Variants in DST observed in about 807,000 individuals in gnomAD.
The protein encoded by DST is dystonin, also known as bullous pemphigoid antigen.
Under a neutral mutation model 875.2 loss-of-function variants are expected in DST, and 253 were observed. The observed-to-expected ratio is 0.29, with a 90% CI of 0.26 to 0.32. DST has a LOEUF of 0.32. Among genes scored for constraint, DST ranks in the 10% least tolerant of loss-of-function variants. DST has a pLI of 1.00. For synonymous variants in DST, 3,124 were observed against 3,197.1 expected, an observed-to-expected ratio of 0.98 and a Z score of 0.77; for missense variants, 8,287 against 9,111.6, an observed-to-expected ratio of 0.91 and a Z score of 3.68.
rs774372986 is a variant in DST, at chr6:56,487,070, C to A, written c.21047+34G>T. The A allele has an allele frequency of 1.9e-6, 3 of 1,608,598 alleles. No individual in the cohort carries two copies. In the South Asian group the frequency reaches 3.3e-5, roughly 18 times the overall value. ...TTACTGTGTATTTGAAAGAGGTCTA[C>A]AGAGTAACCAAACTGTCTTAAAGAA... On this transcript the variant is annotated intron_variant, in intron 87 of 103. Transcript: ENST00000680361.
intron 2 of DST, among the ~76,000 whole-genome samples, chr6:56,949,105 T>C (rs1821099782): frequency 6.6e-6 from 1 of 152,238 alleles, no homozygotes; most frequent in Non-Finnish European, 1.5e-5. Context: ...AGTTCCATTT[T>C]GCCATCCAGA....
chr6:56,924,286 A>G (rs1176287128), intron 2 of DST, among the ~76,000 whole-genome samples: 1 of 152,188 alleles, frequency 6.6e-6, no homozygotes. Context: ...CTGAACGCAG[A>G]GTTGGAACGA....
intron 7 of DST, 136 bp downstream of exon 7, chr6:56,703,512 T>C (rs2099319565): frequency 6.1e-6 from 1 of 163,660 alleles, no homozygotes. Flanking sequence ...TACACACACA[T>C]CTACCTCAAT....
intron 3 of DST, 35 bp downstream of exon 3, chr6:56,900,386 T>C (rs762128761): frequency 7.6e-7 from 1 of 1,324,258 alleles, no homozygotes; most frequent in South Asian, 1.2e-5. Flanking sequence ...TGACAGTGAA[T>C]TTAATATTTT....
chr6:56,653,413 C>G (rs528247191), intron 10 of DST, among the ~76,000 whole-genome samples: 1 of 152,126 alleles, frequency 6.6e-6, no homozygotes, highest in Admixed American at 6.6e-5. Flanking sequence ...AAGCTGGGTG[C>G]GGTGGCTCAT....
At chr6:56,614,925 C>T in intron 36 of DST, 2 of 991,322 alleles carry the variant, frequency 2.0e-6, no homozygotes, top group Non-Finnish European at 1.2e-6. Flanking sequence ...TCCCCTCCTC[C>T]AACACATAAT....
At chr6:56,849,131 G>A (rs928022744) in intron 4 of DST, among the ~76,000 whole-genome samples, 5 of 144,154 alleles carry the variant, frequency 3.5e-5, no homozygotes, top group Non-Finnish European at 3.0e-5. Flanking sequence ...AAGAATTCAT[G>A]CAATTTTTTT....
chr6:56,472,231 G>A lies in DST; in HGVS notation c.21995-9C>T, dbSNP rs2152399131. The A allele has an allele frequency of 6.2e-7, 1 of 1,612,550 alleles. No individual in the cohort carries two copies. Among genetic ancestry groups the A allele is most frequent in the East Asian group, 2.2e-5 (1 of 44,868 alleles). ...TGCTGGAAAGCGTTTTCCTGTGAAGGTATAACTTCGGTTAGGATGGCAGTT... is the reference window on the plus strand; with the variant it reads ...TGCTGGAAAGCGTTTTCCTGTGAAGATATAACTTCGGTTAGGATGGCAGTT... On this transcript the variant is annotated splice_polypyrimidine_tract_variant and intron_variant, in intron 93 of 103. Transcript: ENST00000680361.
chr6:56,788,819 A>T (rs2099710241), intron 4 of DST, among the ~76,000 whole-genome samples: 1 of 152,236 alleles, frequency 6.6e-6, no homozygotes, highest in Non-Finnish European at 1.5e-5. Flanking sequence ...TGCTATTACT[A>T]CAAATAGTAC....
At chr6:56,589,810 T>C (rs566995297) in intron 49 of DST, among the ~76,000 whole-genome samples, 10 of 152,328 alleles carry the variant, frequency 6.6e-5, no homozygotes, top group Non-Finnish European at 1.3e-4. Context: ...CTTTGAATAA[T>C]AATGCTAATA....
intron 9 of DST, among the ~76,000 whole-genome samples, chr6:56,672,464 A>G (rs570094433): frequency 2.6e-4 from 40 of 152,308 alleles, no homozygotes; most frequent in African/African-American, 9.1e-4. Context: ...TGAACACATC[A>G]TATAGTACAC....
chr6:56,597,729 TAAC>T lies in DST; in HGVS notation c.12195+8_12195+10del, dbSNP rs2098405440. On this transcript the variant is annotated splice_region_variant and intron_variant, in intron 47 of 103. Coordinates refer to ENST00000680361, the MANE Select transcript of DST (RefSeq NM_001374736.1). The stretch of plus-strand genomic sequence containing the variant: ...AGAATTGAACGATATCATATGTTTA[TAAC>T]AACACACCTTAACTTTCTGATATTG... 2.5e-6 allele frequency: 4 copies of T among 1,609,768 alleles called. No individual in the cohort carries two copies. The highest frequency in any genetic ancestry group is 3.4e-6 in the Non-Finnish European group (4 of 1,177,002).
chr6:56,529,320 AAC>A (rs1329615630), intron 66 of DST, 126 bp downstream of exon 66: 4 of 791,324 alleles, frequency 5.1e-6, no homozygotes, highest in African/African-American at 3.5e-5. Flanking sequence ...AATCTGTATA[AAC>A]AGTCTTTTTT....
intron 93 of DST, among the ~76,000 whole-genome samples, chr6:56,472,756 C>T (rs1015851504): frequency 6.6e-6 from 1 of 152,180 alleles, no homozygotes; most frequent in African/African-American, 2.4e-5. Context: ...CCTTCGCCCA[C>T]ATCCATTTTC....
chr6:56,874,799 A>C (rs1184128879), intron 3 of DST, among the ~76,000 whole-genome samples: 1 of 152,228 alleles, frequency 6.6e-6, no homozygotes, highest in Non-Finnish European at 1.5e-5. Context: ...AGTAGATGCC[A>C]AAACTAACAC....
chr6:56,600,087 T>C lies in DST; in HGVS notation c.11676A>G (p.Lys3892=). 1 of 1,612,518 alleles carries C rather than the reference T, an allele frequency of 6.2e-7. No individual in the cohort carries two copies. Among genetic ancestry groups the C allele is most frequent in the African/African-American group, 1.3e-5 (1 of 74,994 alleles). Residue 3892 remains lysine, a synonymous_variant, in exon 45 of 104, where the codon AAA becomes AAG. Transcript: ENST00000680361. ...MIGDGTVELK[K]YQSKQEELQK... ...ATTCTACCTCTTGCTTGGACTGATA[T>C]TTCTTTAACTCAACTGTGCCATCTC...
intron 82 of DST, among the ~76,000 whole-genome samples, chr6:56,494,824 C>A (rs2095856940): frequency 6.6e-6 from 1 of 151,856 alleles, no homozygotes; most frequent in African/African-American, 2.4e-5. Flanking sequence ...AAGTTTAAGA[C>A]CAACAAAACA....
chr6:56,747,992 AC>A (rs566569903), intron 4 of DST, among the ~76,000 whole-genome samples: 13 of 152,290 alleles, frequency 8.5e-5, no homozygotes, highest in African/African-American at 3.1e-4. Flanking sequence ...AATAAAATCA[AC>A]AAATTATAAG....
In DST at chr6:56,562,179, TCAC is replaced by T; in HGVS notation, c.14024_14026del (p.Gly4675del). On this transcript the variant is annotated inframe_deletion, in exon 56 of 104. Coordinates refer to ENST00000680361, the MANE Select transcript of DST (RefSeq NM_001374736.1). ...TTCCTCAGTATTTGTGGCTGTTCCT[TCAC>T]CATTTAATACTGCTCCACCTGCAAA... 6.4e-7 allele frequency: 1 copy of T among 1,556,458 alleles called. No homozygotes were observed. The highest frequency in any genetic ancestry group is 8.7e-7 in the Non-Finnish European group (1 of 1,149,822).
Sources: allele counts gnomAD v4.1 joint callset (sites outside exome capture counted in the v4.1 genomes callset), GRCh38; gene constraint gnomAD v4.1.1; transcripts MANE v1.5; gene names NCBI Gene and HGNC (gene_info 2026-07-23, HGNC 2026-07-21).